PWWP2A: variants seen among roughly 807,000 people sequenced by gnomAD.
PWWP2A encodes PWWP domain-containing protein 2A.
Under a neutral mutation model 48.5 loss-of-function variants are expected in PWWP2A, and 18 were observed. The ratio of observed to expected loss-of-function variants is 0.37; its 90% CI spans 0.26 to 0.55. PWWP2A has a LOEUF of 0.55. PWWP2A is among the 20% of genes least tolerant of loss of function. The pLI, the probability that PWWP2A is intolerant of heterozygous loss-of-function variation, is 0.81. For missense variants in PWWP2A, 867 were observed against 976.4 expected (o/e 0.89, Z 1.49); for synonymous variants, 396 against 387.7 (o/e 1.02, Z -0.25).
At chr5:160,046,850 A>G in the PWWP2A span, among the ~76,000 whole-genome samples, 2 of 152,134 alleles carry the variant, frequency 1.3e-5, no homozygotes, top group Non-Finnish European at 2.9e-5. Context: ...TGTCTCTACT[A>G]AAAGTACAAA....
chr5:160,089,806 A>G (rs995646158), downstream of PWWP2A: 12 of 985,316 alleles, frequency 1.2e-5, no homozygotes, highest in Admixed American at 6.1e-5. Flanking sequence ...GGGAAAAAAT[A>G]CCCACTTCTG....
At chr5:160,054,560 G>A in the PWWP2A span, among the ~76,000 whole-genome samples, 1 of 151,448 alleles carries the variant, frequency 6.6e-6, no homozygotes, top group Non-Finnish European at 1.5e-5. Flanking sequence ...GCAGTGTTAC[G>A]ATGGTACCAG....
At chr5:160,049,543 G>A in the PWWP2A span, 2 of 1,588,436 alleles carry the variant, frequency 1.3e-6, no homozygotes, top group African/African-American at 1.4e-5. Context: ...CTATATCAGG[G>A]CAATATTGAG....
chr5:160,105,610 CTA>C, intron 1 of PWWP2A: 1 of 780,654 alleles, frequency 1.3e-6, no homozygotes. Flanking sequence ...CAGAAGGGGA[CTA>C]TAGGGACAAA....
At chr5:160,110,455 C>T (rs1757443022) in intron 1 of PWWP2A, among the ~76,000 whole-genome samples, 1 of 152,014 alleles carries the variant, frequency 6.6e-6, no homozygotes, top group African/African-American at 2.4e-5. Context: ...GCCTGTAATC[C>T]CAGCACTTTG....
the PWWP2A span, chr5:160,051,306 T>A: frequency 1.4e-6 from 1 of 723,812 alleles, no homozygotes; most frequent in Non-Finnish European, 2.2e-6. Context: ...GGCTACTGAC[T>A]TCTGAGTTAT....
chr5:160,099,187 G>A (rs559025973), intron 1 of PWWP2A, among the ~76,000 whole-genome samples: 2 of 152,284 alleles, frequency 1.3e-5, no homozygotes, highest in East Asian at 1.9e-4. Context: ...TTGAACAAGT[G>A]TTTAGGTGAA....
chr5:160,060,565 T>C (rs570584555), downstream of PWWP2A, among the ~76,000 whole-genome samples: 56 of 152,182 alleles, frequency 3.7e-4, no homozygotes, highest in Non-Finnish European at 7.8e-4. Flanking sequence ...TTGATTACTG[T>C]CCAGATAGGG....
chr5:160,082,240 C>T (rs1754286939), intron 2 of PWWP2A, among the ~76,000 whole-genome samples: 2 of 151,826 alleles, frequency 1.3e-5, no homozygotes, highest in Admixed American at 6.6e-5. Context: ...GTCAGGAGAT[C>T]GAGACCATCC....
chr5:160,076,266 C>A (rs954411634), exon 4 of PWWP2A: 6 of 152,150 alleles, frequency 3.9e-5, no homozygotes, highest in African/African-American at 1.4e-4. Context: ...TCATTTCCAT[C>A]ACTCTACACA....
intron 1 of PWWP2A, among the ~76,000 whole-genome samples, chr5:160,114,862 C>T (rs569946111): frequency 3.1e-4 from 47 of 151,334 alleles, no homozygotes; most frequent in Non-Finnish European, 5.3e-4. Flanking sequence ...CAGGTGTGGC[C>T]GAGTGCAGTG....
At chr5:160,102,620 A>C (rs1019570901) in intron 1 of PWWP2A, among the ~76,000 whole-genome samples, 3 of 152,208 alleles carry the variant, frequency 2.0e-5, no homozygotes, top group Non-Finnish European at 2.9e-5. Flanking sequence ...TTTTATGAGA[A>C]GCAGTACATT....
chr5:160,116,061 C>T (rs1758107715), intron 1 of PWWP2A, among the ~76,000 whole-genome samples: 1 of 151,876 alleles, frequency 6.6e-6, no homozygotes, highest in South Asian at 2.1e-4. Flanking sequence ...ATTTCCTCAA[C>T]ATTTCCACAA....
exon 4 of PWWP2A, chr5:160,076,882 A>C (rs1228922995): frequency 6.6e-6 from 1 of 152,132 alleles, no homozygotes; most frequent in Non-Finnish European, 1.5e-5. Flanking sequence ...GTAAGTAATC[A>C]ATATGGATTA....
At chr5:160,109,625 A>G (rs1459887200) in intron 1 of PWWP2A, among the ~76,000 whole-genome samples, 1 of 151,270 alleles carries the variant, frequency 6.6e-6, no homozygotes, top group Admixed American at 6.6e-5. Context: ...ATCCATAATC[A>G]TTTCTACTGA....
At chr5:160,072,728 C>CATAA (rs34064564), downstream of PWWP2A, among the ~76,000 whole-genome samples, 12,849 of 150,970 alleles carry the variant, frequency 0.085, 711 homozygotes, top group Admixed American at 0.19. Context: ...GACTCCGTCT[C>CATAA]ATAAATAAAT....
downstream of PWWP2A, chr5:160,089,898 T>C: frequency 2.0e-6 from 2 of 985,292 alleles, no homozygotes; most frequent in South Asian, 4.7e-5. Flanking sequence ...TTCAACTCTA[T>C]CTCCATCTGC....
intron 1 of PWWP2A, among the ~76,000 whole-genome samples, chr5:160,101,621 G>A (rs73311183): frequency 0.013 from 1,945 of 151,552 alleles, 46 homozygotes; most frequent in African/African-American, 0.045. Context: ...TAACACTATT[G>A]AACTGTATCC....
At chr5:160,064,984 G>C (rs373621862) in intron 4 of PWWP2A, 1 of 1,613,946 alleles carries the variant, frequency 6.2e-7, no homozygotes, top group South Asian at 1.1e-5. Flanking sequence ...GGCTCTCCAC[G>C]GAAAATTTCC....
Sources: gnomAD v4.1 joint callset for allele counts (sites outside exome capture counted in the v4.1 genomes callset) on GRCh38, gnomAD v4.1.1 for gene constraint, MANE v1.5 for transcripts, NCBI Gene and HGNC (gene_info 2026-07-23, HGNC 2026-07-21) for gene names.